Variants in AXIN1 observed in about 807,000 individuals in gnomAD.
AXIN1 encodes the protein axin 1, also known as axin-1.
A neutral mutation model predicts 76.4 loss-of-function variants in AXIN1; 30 were observed. That is an observed-to-expected ratio of 0.39 (90% CI 0.29 to 0.53). The LOEUF (loss-of-function observed/expected upper bound fraction) is 0.53. Ranked by LOEUF, AXIN1 falls within the 20% of genes least tolerant of loss-of-function variation. The probability of loss-of-function intolerance (pLI) is 0.66; values close to 1 mark genes in which losing one functional copy is unlikely to be tolerated. For missense variants in AXIN1, 1,140 were observed against 1,198.8 expected (o/e 0.95, Z 0.72); for synonymous variants, 545 against 501.4 (o/e 1.09, Z -1.16).
rs557191069 is a variant in AXIN1, at chr16:351,514, G to A, written c.-82+855C>T. 1.3e-4 allele frequency among the ~76,000 whole-genome samples: 20 copies of A among 152,186 alleles called. No homozygotes were observed. In the South Asian group the frequency reaches 3.7e-3, roughly 28 times the overall value. On this transcript the variant is annotated intron_variant, in intron 1 of 10. Coordinates refer to ENST00000262320, the MANE Select transcript of AXIN1 (RefSeq NM_003502.4). ...TATCCCAGCTACTCAGGCGGCTGAG[G>A]CAGGAAAACTGCTTGAACCCGGGAG...
chr16:343,994 C>A (rs900548140), intron 2 of AXIN1, among the ~76,000 whole-genome samples: 2 of 144,468 alleles, frequency 1.4e-5, no homozygotes, highest in African/African-American at 2.6e-5. Flanking sequence ...TGTGACAGAG[C>A]GAGACTCCAT....
At chr16:309,200 G>A (rs1423460057) in intron 4 of AXIN1, among the ~76,000 whole-genome samples, 3 of 151,958 alleles carry the variant, frequency 2.0e-5, no homozygotes, top group Admixed American at 2.0e-4. Context: ...CGTGGTGGCA[G>A]GCGCCTGTAC....
rs191434623 is a variant in AXIN1 at position 287,517 on chromosome 16, A to G, written c.*605T>C. On this transcript the variant is annotated 3_prime_UTR_variant, in exon 11 of 11. Transcript: ENST00000262320. Reference sequence around the variant, plus strand: ...TAATTAATTGTACAAGTGTCATCGCATGAAAAACAGACTCGGGCAGCCCCT... The same window carrying G: ...TAATTAATTGTACAAGTGTCATCGCGTGAAAAACAGACTCGGGCAGCCCCT... The G allele has an allele frequency of 2.0e-4, 64 of 322,362 alleles. No individual in the cohort carries two copies. The Admixed American group carries it at 2.7e-3, about 13-fold the overall frequency. 20.0% of individuals were successfully genotyped at this position (322,362 alleles called of 1,614,324 possible).
At chr16:304,677 G>C (rs542115143) in intron 4 of AXIN1, among the ~76,000 whole-genome samples, 2 of 152,120 alleles carry the variant, frequency 1.3e-5, no homozygotes, top group African/African-American at 4.8e-5. Flanking sequence ...TGGGACTACA[G>C]GTGCCCGCCA....
chr16:345,152 A>G (rs2054008562), intron 2 of AXIN1, among the ~76,000 whole-genome samples: 1 of 151,452 alleles, frequency 6.6e-6, no homozygotes, highest in Non-Finnish European at 1.5e-5. Flanking sequence ...GGAAGAACGA[A>G]GAAACAGGTT....
intron 4 of AXIN1, among the ~76,000 whole-genome samples, chr16:306,997 G>A (rs1460293933): frequency 1.3e-5 from 2 of 152,240 alleles, no homozygotes; most frequent in Admixed American, 1.3e-4. Flanking sequence ...CTGGGTGGCT[G>A]GGGGGCCATG....
At chr16:331,953 G>A (rs1053598058) in intron 2 of AXIN1, among the ~76,000 whole-genome samples, 11 of 152,176 alleles carry the variant, frequency 7.2e-5, no homozygotes, top group African/African-American at 1.4e-4. Flanking sequence ...CAGAGACCAC[G>A]GTGACTAAGG....
chr16:289,760 A>C (rs2052501704), intron 9 of AXIN1, 153 bp from the exon 10 acceptor site: 1 of 899,562 alleles, frequency 1.1e-6, no homozygotes, highest in South Asian at 1.6e-5. Context: ...GCCCCCGCAC[A>C]GCATCTCAAT....
At chr16:304,202 C>T (rs1851596328) in intron 5 of AXIN1, 102 bp downstream of exon 5, 6 of 1,584,224 alleles carry the variant, frequency 3.8e-6, no homozygotes, top group South Asian at 1.1e-5. Flanking sequence ...CAGCAGGCCT[C>T]GGCCAGCCCC....
At chr16:335,432 C>A (rs1054118639) in intron 2 of AXIN1, among the ~76,000 whole-genome samples, 1 of 151,678 alleles carries the variant, frequency 6.6e-6, no homozygotes, top group African/African-American at 2.4e-5. Context: ...CCCAGTACCA[C>A]GGCACACTAA....
chr16:297,623 G>A, intron 6 of AXIN1, 99 bp downstream of exon 6: 4 of 1,430,494 alleles, frequency 2.8e-6, no homozygotes, highest in Non-Finnish European at 3.7e-6. Context: ...CCTGTTGCTG[G>A]CGGTCCTGGG....
In AXIN1 at chr16:314,663, G is replaced by T. The variant is rs2141594134; in HGVS notation, c.899C>A (p.Pro300Gln). ...REFRYGSWRE[P>Q]VNPYYVNAGY... ...GGCATTGACATAATAGGGGTTGACT[G>T]GCTCCCGCCAGGATCCATACCTGCA... Residue 300 changes from proline to glutamine, a missense_variant, in exon 3 of 11, where the codon CCA becomes CAA. Physicochemically the swap from Pro to Gln is moderately conservative, Grantham distance 76. This residue lies in a region of AXIN1 where 708 missense variants were observed against 776.9 expected (regional missense o/e 0.91). Coordinates refer to ENST00000262320, the MANE Select transcript of AXIN1 (RefSeq NM_003502.4). 6.2e-7 allele frequency: 1 copy of T among 1,613,842 alleles called. No homozygotes were observed. Among genetic ancestry groups the T allele is most frequent in the East Asian group, 2.2e-5 (1 of 44,886 alleles).
At position 287,688 on chromosome 16, in the gene AXIN1, A is replaced by C; in HGVS notation, c.*434T>G. The C allele has an allele frequency of 3.0e-6, 1 of 336,470 alleles. No homozygotes were observed. The allele number at this position is 336,470 out of a possible 1,614,324, so 20.8% of individuals were successfully genotyped here. ...GCAAGAGACAAGCTGTGTTGAAGGCACTCGGTGGCGCGTACAATTGACAGA... is the reference window on the plus strand; with the variant it reads ...GCAAGAGACAAGCTGTGTTGAAGGCCCTCGGTGGCGCGTACAATTGACAGA... On this transcript the variant is annotated 3_prime_UTR_variant, in exon 11 of 11. Transcript: ENST00000262320.
At chr16:329,215 TGCAGTGA>T (rs1213635659) in intron 2 of AXIN1, among the ~76,000 whole-genome samples, 4 of 145,510 alleles carry the variant, frequency 2.7e-5, no homozygotes, top group Non-Finnish European at 6.0e-5. Context: ...AGGCAGAGGT[TGCAGTGA>T]GCTGACATCG....
intron 2 of AXIN1, among the ~76,000 whole-genome samples, chr16:344,542 G>A (rs991127602): frequency 6.6e-6 from 1 of 150,778 alleles, no homozygotes; most frequent in Non-Finnish European, 1.5e-5. Flanking sequence ...AGGCTGGAGT[G>A]CAATGGCACA....
At chr16:340,858 A>G (rs911250912) in intron 2 of AXIN1, among the ~76,000 whole-genome samples, 1 of 152,176 alleles carries the variant, frequency 6.6e-6, no homozygotes, top group African/African-American at 2.4e-5. Flanking sequence ...TCCTCAAATC[A>G]AGTATGTGAA....
At chr16:311,256 T>C (rs2053169827) in intron 3 of AXIN1, among the ~76,000 whole-genome samples, 1 of 151,700 alleles carries the variant, frequency 6.6e-6, no homozygotes, top group African/African-American at 2.4e-5. Context: ...GGTCTCAATC[T>C]CCTGACCCCG....
chr16:316,001 TG>T (rs2053294144), intron 2 of AXIN1, among the ~76,000 whole-genome samples: 1 of 152,074 alleles, frequency 6.6e-6, no homozygotes, highest in Non-Finnish European at 1.5e-5. Flanking sequence ...TGCAGTAAGC[TG>T]AGATCGCAGC....
At position 326,378 on chromosome 16, in the gene AXIN1, T is replaced by A. The variant is rs202171567; in HGVS notation, c.879-11695A>T. Among the ~76,000 whole-genome samples, 139 of 84,844 alleles carry A rather than the reference T, an allele frequency of 1.6e-3. 1 individual carries two copies. The highest frequency in any genetic ancestry group is 5.1e-3 in the African/African-American group (111 of 21,858). The allele number at this position is 84,844 out of a possible 152,430, so 55.7% of individuals were successfully genotyped here. On this transcript the variant is annotated intron_variant, in intron 2 of 10. Coordinates refer to ENST00000262320, the MANE Select transcript of AXIN1 (RefSeq NM_003502.4). ...TCAAAAAAAAAAAAAAAAAAATATA[T>A]ATATATATATATATATACACACCTA...
Sources: gnomAD v4.1 joint callset for allele counts (sites outside exome capture counted in the v4.1 genomes callset) on GRCh38, gnomAD v4.1.1 for gene constraint, gnomAD v4.1.1 regional missense constraint, MANE v1.5 for transcripts, NCBI Gene and HGNC (gene_info 2026-07-23, HGNC 2026-07-21) for gene names.